Variants in ADCY9 observed in about 807,000 individuals in gnomAD.
The protein encoded by ADCY9 is adenylate cyclase 9.
ADCY9 carries 50 observed loss-of-function variants against 101.5 expected under a neutral mutation model. The observed-to-expected ratio is 0.49, with a 90% CI of 0.39 to 0.62. The LOEUF (loss-of-function observed/expected upper bound fraction) is 0.62. ADCY9 is among the 20% of genes least tolerant of loss of function. ADCY9 has a pLI of 0.00. For missense variants in ADCY9, 1,662 were observed against 1,800.4 expected, an observed-to-expected ratio of 0.92 and a Z score of 1.39; for synonymous variants, 905 against 769.3, an observed-to-expected ratio of 1.18 and a Z score of -2.92.
At position 4,113,968 on chromosome 16, in the gene ADCY9, G is replaced by A. The variant is rs760715810; in HGVS notation, c.1475C>T (p.Thr492Met). The A allele has an allele frequency of 3.1e-6, 5 of 1,613,904 alleles. No individual in the cohort carries two copies. Among genetic ancestry groups the A allele is most frequent in the South Asian group, 1.1e-5 (1 of 91,080 alleles). ...CAGGATGCCGCAAAGGACGGTGCCC[G>A]TGTGCACCCCGACTCTCATGTTCAC... ...EMVNMRVGVH[T>M]GTVLCGILGM... The change falls in exon 2 of 11, where the codon ACG becomes ATG. Residue 492 changes from threonine to methionine, a missense_variant. Physicochemically the swap from Thr to Met is moderately conservative, Grantham distance 81. Coordinates refer to ENST00000294016, the MANE Select transcript of ADCY9 (RefSeq NM_001116.4).
In ADCY9 at chr16:3,983,280, A is replaced by C; in HGVS notation, c.2471T>G (p.Phe824Cys). 1.3e-6 allele frequency: 2 copies of C among 1,556,066 alleles called. No individual in the cohort carries two copies. Among genetic ancestry groups the C allele is most frequent in the Non-Finnish European group, 1.7e-6 (2 of 1,149,898 alleles). ...CACCTCCAGCAGCAGGGCTGCACTG[A>C]AGACCGCCAGGGCGGCGGGCGGGGG... ...VPPPPAALAV[F>C]SAALLLEVLS... The change falls in exon 7 of 11, where the codon TTC becomes TGC. Residue 824 changes from phenylalanine to cysteine, a missense_variant. Phe to Cys is a radical substitution (Grantham distance 205). Around this residue, in one of 5 missense-constraint regions of ADCY9, gnomAD observed 624 missense variants for 639.1 expected, o/e 0.98. Coordinates refer to ENST00000294016, the MANE Select transcript of ADCY9 (RefSeq NM_001116.4).
At chr16:4,066,156 G>A (rs773204434) in intron 2 of ADCY9, among the ~76,000 whole-genome samples, 1 of 152,160 alleles carries the variant, frequency 6.6e-6, no homozygotes, top group African/African-American at 2.4e-5. Flanking sequence ...GGGCAATGGG[G>A]ACGTTCCATC....
intron 2 of ADCY9, among the ~76,000 whole-genome samples, chr16:4,050,969 T>C (rs946171859): frequency 6.6e-6 from 1 of 152,010 alleles, no homozygotes; most frequent in African/African-American, 2.4e-5. Context: ...TCCCAGCACT[T>C]TGGGAGGACG....
At position 4,101,669 on chromosome 16, in the gene ADCY9, C is replaced by T. The variant is rs147497064; in HGVS notation, c.1693+12081G>A. 6.4e-3 allele frequency among the ~76,000 whole-genome samples: 973 copies of T among 152,284 alleles called. 6 individuals are homozygous for T. The highest frequency in any genetic ancestry group is 0.01 in the Non-Finnish European group (708 of 68,024). On this transcript the variant is annotated intron_variant, in intron 2 of 10. Transcript: ENST00000294016. ...ACCCCTCTATCTCCAGAACCTAGTC[C>T]TCGCCTTGCCAATGGTAGGAACCCA...
chr16:3,980,950 C>A (rs759485856), intron 7 of ADCY9, among the ~76,000 whole-genome samples: 2 of 152,128 alleles, frequency 1.3e-5, no homozygotes, highest in African/African-American at 4.8e-5. Context: ...CTGGAGGCAA[C>A]GGGCGGGGCC....
chr16:4,034,015 G>A (rs2056573540), intron 2 of ADCY9, among the ~76,000 whole-genome samples: 1 of 152,166 alleles, frequency 6.6e-6, no homozygotes, highest in African/African-American at 2.4e-5. Flanking sequence ...TGCCACATAC[G>A]CAGATGAGGG....
chr16:4,107,664 GGCTTAGGTGGGGACAA>G (rs1190533981), intron 2 of ADCY9, among the ~76,000 whole-genome samples: 1 of 151,846 alleles, frequency 6.6e-6, no homozygotes, highest in Non-Finnish European at 1.5e-5. Context: ...AAGGGTTGCA[GGCTTAGGTGGGGACAA>G]GCTAACGGGG....
intron 6 of ADCY9, chr16:3,983,805 G>T (rs1393332454): frequency 8.7e-6 from 2 of 229,606 alleles, no homozygotes; most frequent in Non-Finnish European, 1.7e-5. Flanking sequence ...CGTGAGTGTG[G>T]TCCCAGCTAC....
chr16:3,961,562 G>A (rs931700982), downstream of ADCY9, among the ~76,000 whole-genome samples: 2 of 152,116 alleles, frequency 1.3e-5, no homozygotes, highest in Non-Finnish European at 2.9e-5. Context: ...GGCGACTCGG[G>A]AGGAGAGTGA....
At chr16:4,025,834 C>G (rs977303365) in intron 2 of ADCY9, among the ~76,000 whole-genome samples, 1 of 152,130 alleles carries the variant, frequency 6.6e-6, no homozygotes, top group Non-Finnish European at 1.5e-5. Flanking sequence ...GTGGGGACAG[C>G]AAAGTAGGAC....
downstream of ADCY9, among the ~76,000 whole-genome samples, chr16:3,961,229 C>T (rs2055936243): frequency 6.6e-6 from 1 of 152,124 alleles, no homozygotes; most frequent in Admixed American, 6.5e-5. Context: ...GGACGGATCA[C>T]TTGAACCCAG....
chr16:3,983,279 G>A lies in ADCY9; in HGVS notation c.2472C>T (p.Phe824=). 6.4e-7 allele frequency: 1 copy of A among 1,555,826 alleles called. No individual in the cohort carries two copies. The highest frequency in any genetic ancestry group is 8.7e-7 in the Non-Finnish European group (1 of 1,149,774). ...VPPPPAALAV[F]SAALLLEVLS... ...GCACCTCCAGCAGCAGGGCTGCACT[G>A]AAGACCGCCAGGGCGGCGGGCGGGG... The change falls in exon 7 of 11, where the codon TTC becomes TTT. Residue 824 remains phenylalanine (F), a synonymous_variant. Coordinates refer to ENST00000294016, the MANE Select transcript of ADCY9 (RefSeq NM_001116.4).
intron 2 of ADCY9, among the ~76,000 whole-genome samples, chr16:4,036,896 C>T (rs1417910688): frequency 1.3e-5 from 2 of 152,156 alleles, no homozygotes; most frequent in Non-Finnish European, 2.9e-5. Flanking sequence ...CCCTTCTCCT[C>T]CCCGCCACTC....
chr16:4,093,079 C>CT (rs1417158329), intron 2 of ADCY9, among the ~76,000 whole-genome samples: 3 of 152,198 alleles, frequency 2.0e-5, no homozygotes, highest in African/African-American at 7.2e-5. Context: ...AGAAAATTAC[C>CT]TCTTATTTGG....
intron 2 of ADCY9, among the ~76,000 whole-genome samples, chr16:4,021,295 A>C (rs885697): frequency 1 from 152,172 of 152,342 alleles, 76,002 homozygotes; most frequent in Middle Eastern, 1. Flanking sequence ...TGGCAGAGAC[A>C]GACAAGGCCA....
intron 2 of ADCY9, among the ~76,000 whole-genome samples, chr16:4,088,406 C>G (rs1183197951): frequency 1.3e-5 from 2 of 152,046 alleles, no homozygotes; most frequent in African/African-American, 4.8e-5. Flanking sequence ...ACCCTCCCAC[C>G]TCAGCCTCCA....
At chr16:4,100,196 C>G (rs1427756721) in intron 2 of ADCY9, among the ~76,000 whole-genome samples, 1 of 152,140 alleles carries the variant, frequency 6.6e-6, no homozygotes, top group Admixed American at 6.6e-5. Context: ...TCTCCTGACA[C>G]CATTTAAGAT....
chr16:4,029,449 C>T (rs572046713), intron 2 of ADCY9, among the ~76,000 whole-genome samples: 4 of 152,224 alleles, frequency 2.6e-5, no homozygotes, highest in African/African-American at 9.6e-5. Context: ...TAAAGAACTC[C>T]TCAAAATCAG....
chr16:4,057,938 C>T (rs1160417027), intron 2 of ADCY9, among the ~76,000 whole-genome samples: 5 of 152,018 alleles, frequency 3.3e-5, no homozygotes, highest in African/African-American at 1.2e-4. Context: ...GTGGGCAGAT[C>T]GCTTCAGGTC....
Sources: gnomAD v4.1 joint callset for allele counts (sites outside exome capture counted in the v4.1 genomes callset) on GRCh38, gnomAD v4.1.1 for gene constraint, gnomAD v4.1.1 regional missense constraint, MANE v1.5 for transcripts, NCBI Gene and HGNC (gene_info 2026-07-23, HGNC 2026-07-21) for gene names.